MBD5: variants seen among roughly 807,000 people sequenced by gnomAD.
The protein encoded by MBD5 is methyl-CpG-binding domain protein 5.
A neutral mutation model predicts 117.3 loss-of-function variants in MBD5; 13 were observed. The observed-to-expected ratio is 0.11, with a 90% CI of 0.07 to 0.18. The LOEUF (loss-of-function observed/expected upper bound fraction) is 0.18, where lower values mean the gene tolerates loss of function less well. Among genes scored for constraint, MBD5 ranks in the 10% least tolerant of loss-of-function variants. MBD5 has a pLI of 1.00. For missense variants in MBD5, 1,879 were observed against 2,093.8 expected (o/e 0.90, Z 2.00); for synonymous variants, 727 against 766.4 (o/e 0.95, Z 0.85).
At chr2:148,129,301 G>A (rs750645358) in intron 1 of MBD5, among the ~76,000 whole-genome samples, 17 of 151,878 alleles carry the variant, frequency 1.1e-4, no homozygotes, top group African/African-American at 2.9e-4. Flanking sequence ...TGAGACTACC[G>A]TGGCCAACAT....
chr2:148,041,938 CA>C (rs1396843842), intron 1 of MBD5, among the ~76,000 whole-genome samples: 1 of 152,198 alleles, frequency 6.6e-6, no homozygotes, highest in African/African-American at 2.4e-5. Flanking sequence ...GGTCTTTTAA[CA>C]AGTTAAAGCC....
intron 4 of MBD5, among the ~76,000 whole-genome samples, chr2:148,398,035 T>C (rs2105056643): frequency 6.6e-6 from 1 of 152,358 alleles, no homozygotes; most frequent in Admixed American, 6.5e-5. Flanking sequence ...TGCCACATTT[T>C]CTTAATCCAG....
At chr2:148,235,948 G>A (rs116512190) in intron 3 of MBD5, among the ~76,000 whole-genome samples, 2,891 of 152,000 alleles carry the variant, frequency 0.019, 92 homozygotes, top group African/African-American at 0.066. Context: ...ACAGGCATGC[G>A]CTATCACACC....
chr2:148,498,784 A>G (rs2105200334), intron 11 of MBD5, among the ~76,000 whole-genome samples: 1 of 152,368 alleles, frequency 6.6e-6, no homozygotes, highest in Admixed American at 6.5e-5. Flanking sequence ...AAACTTAGTT[A>G]AATTATCAAA....
At chr2:148,207,485 C>T (rs948133168) in intron 2 of MBD5, among the ~76,000 whole-genome samples, 2 of 151,490 alleles carry the variant, frequency 1.3e-5, no homozygotes, top group South Asian at 2.1e-4. Context: ...ATAGGTTACT[C>T]GGTTACAACA....
chr2:148,344,328 A>G (rs537800634), intron 4 of MBD5, among the ~76,000 whole-genome samples: 16 of 152,070 alleles, frequency 1.1e-4, no homozygotes, highest in African/African-American at 2.9e-4. Context: ...GAATTTTAGA[A>G]CAGTTTTTTT....
intron 2 of MBD5, among the ~76,000 whole-genome samples, chr2:148,195,817 A>G (rs980070878): frequency 1.3e-5 from 2 of 152,216 alleles, no homozygotes; most frequent in Non-Finnish European, 2.9e-5. Context: ...AATTCACCAG[A>G]GAAATTAGAA....
At chr2:148,324,846 C>T (rs1188026753) in intron 3 of MBD5, among the ~76,000 whole-genome samples, 6 of 151,968 alleles carry the variant, frequency 3.9e-5, no homozygotes, top group Admixed American at 1.3e-4. Flanking sequence ...TGCCTAATTG[C>T]CCTGGCCAGA....
chr2:148,079,627 G>A (rs2105145575), intron 1 of MBD5, among the ~76,000 whole-genome samples: 1 of 151,964 alleles, frequency 6.6e-6, no homozygotes, highest in South Asian at 2.1e-4. Context: ...GGGAGGCCTA[G>A]GCGGGTGGAT....
intron 4 of MBD5, among the ~76,000 whole-genome samples, chr2:148,423,069 A>C (rs1705656276): frequency 6.6e-6 from 1 of 152,170 alleles, no homozygotes; most frequent in African/African-American, 2.4e-5. Flanking sequence ...CAAATTCAGG[A>C]AATACAGAGA....
At chr2:148,023,120 C>G (rs1418831460) in intron 1 of MBD5, among the ~76,000 whole-genome samples, 2 of 148,728 alleles carry the variant, frequency 1.3e-5, no homozygotes, top group Non-Finnish European at 3.0e-5. Flanking sequence ...ATTGGTATCT[C>G]TGATCCCATA....
At chr2:148,350,077 C>T (rs1703215754) in intron 4 of MBD5, among the ~76,000 whole-genome samples, 1 of 151,890 alleles carries the variant, frequency 6.6e-6, no homozygotes, top group African/African-American at 2.4e-5. Context: ...GTATTTCAAA[C>T]AATGCCCCCA....
intron 3 of MBD5, among the ~76,000 whole-genome samples, chr2:148,245,163 A>G (rs1414350652): frequency 6.6e-6 from 1 of 152,196 alleles, no homozygotes; most frequent in African/African-American, 2.4e-5. Flanking sequence ...AGGCAGGAGG[A>G]TGGCTTGAGC....
chr2:148,071,341 T>C (rs1695353057), intron 1 of MBD5: 1 of 151,502 alleles, frequency 6.6e-6, no homozygotes, highest in African/African-American at 2.4e-5. Context: ...GATATGGGTT[T>C]ATGTATATGT....
chr2:148,474,419 A>T (rs1354605318), intron 8 of MBD5, among the ~76,000 whole-genome samples: 1 of 152,192 alleles, frequency 6.6e-6, no homozygotes, highest in African/African-American at 2.4e-5. Context: ...TATTCTGCCA[A>T]CATGCTTATT....
rs951715116 is a variant in MBD5, at chr2:148,475,458, T to TA, written c.2518+5007dup. On this transcript the variant is annotated intron_variant, in intron 8 of 13. Transcript: ENST00000642680. ...TTCCAGGTTTAACGTTTCCTTGTATTAAAAAAAAAAGGAGTTAAAATATGT... is the reference window on the plus strand; with the variant it reads ...TTCCAGGTTTAACGTTTCCTTGTATTAAAAAAAAAAAGGAGTTAAAATATGT... Among the ~76,000 whole-genome samples, 223 of 148,156 alleles carry TA rather than the reference T, an allele frequency of 1.5e-3. 1 individual carries two copies. Among genetic ancestry groups the TA allele is most frequent in the East Asian group, 5.5e-3 (28 of 5,098 alleles).
chr2:148,336,168 A>G (rs1461325570), intron 3 of MBD5, among the ~76,000 whole-genome samples: 24 of 152,204 alleles, frequency 1.6e-4, no homozygotes, highest in Admixed American at 1.5e-3. Flanking sequence ...AGAGCTGGCT[A>G]TGTAAGTTTA....
intron 2 of MBD5, among the ~76,000 whole-genome samples, chr2:148,209,125 T>G (rs1165794408): frequency 2.0e-5 from 3 of 152,240 alleles, no homozygotes; most frequent in Non-Finnish European, 2.9e-5. Flanking sequence ...TAAAACTGAT[T>G]ATGTTGACAT....
chr2:148,289,783 C>T (rs558136171), intron 3 of MBD5, among the ~76,000 whole-genome samples: 12 of 151,878 alleles, frequency 7.9e-5, no homozygotes, highest in South Asian at 2.1e-4. Context: ...TAAAAATGTA[C>T]GAAATTTAGT....
Sources: gnomAD v4.1 joint callset for allele counts (sites outside exome capture counted in the v4.1 genomes callset) on GRCh38, gnomAD v4.1.1 for gene constraint, MANE v1.5 for transcripts, NCBI Gene and HGNC (gene_info 2026-07-23, HGNC 2026-07-21) for gene names.